Variants in COL14A1 observed in about 807,000 individuals in gnomAD.
COL14A1 encodes the protein collagen alpha-1(XIV) chain.
In COL14A1, 136 loss-of-function variants were observed where a neutral mutation model predicts 230.3. That is an observed-to-expected ratio of 0.59 (90% CI 0.51 to 0.68). The LOEUF (loss-of-function observed/expected upper bound fraction) is 0.68. Ranked by LOEUF, COL14A1 falls within the 30% of genes least tolerant of loss-of-function variation. The probability of loss-of-function intolerance (pLI) is 0.00; values close to 1 mark genes in which losing one functional copy is unlikely to be tolerated. For synonymous variants in COL14A1, 792 were observed against 784.1 expected (o/e 1.01, Z -0.17); for missense variants, 1,976 against 2,215.8 (o/e 0.89, Z 2.17).
chr8:120,307,235 G>A (rs772537205), intron 36 of COL14A1, among the ~76,000 whole-genome samples: 1 of 152,078 alleles, frequency 6.6e-6, no homozygotes, highest in African/African-American at 2.4e-5. Flanking sequence ...AAGGGAAAAG[G>A]GGGTCAGAAA....
chr8:120,356,965 C>T (rs1288809687), intron 45 of COL14A1, among the ~76,000 whole-genome samples: 2 of 149,902 alleles, frequency 1.3e-5, no homozygotes, highest in Non-Finnish European at 3.0e-5. Flanking sequence ...AAGGATTGCT[C>T]TTCTTTTTCT....
intron 35 of COL14A1, among the ~76,000 whole-genome samples, chr8:120,300,513 G>T (rs1442911517): frequency 6.6e-6 from 1 of 151,868 alleles, no homozygotes; most frequent in Non-Finnish European, 1.5e-5. Context: ...GCTGGTTTTA[G>T]CAACACCCAT....
At chr8:120,193,768 C>T (rs1816922902) in intron 5 of COL14A1, among the ~76,000 whole-genome samples, 1 of 152,206 alleles carries the variant, frequency 6.6e-6, no homozygotes, top group African/African-American at 2.4e-5. Flanking sequence ...TGCCCCTCCC[C>T]CAGCCTCGCT....
chr8:120,258,505 T>C (rs1586810829), intron 23 of COL14A1, among the ~76,000 whole-genome samples: 1 of 152,180 alleles, frequency 6.6e-6, no homozygotes, highest in East Asian at 1.9e-4. Context: ...GGGGGTGTTA[T>C]TCAATCCTCC....
chr8:120,315,671 T>A, intron 39 of COL14A1, 85 bp downstream of exon 39: 2 of 1,140,762 alleles, frequency 1.8e-6, no homozygotes, highest in Non-Finnish European at 2.6e-6. Context: ...CTGAAGTCAG[T>A]TGTGATCTTG....
chr8:120,256,912 A>T (rs972284462), intron 23 of COL14A1, among the ~76,000 whole-genome samples: 1 of 152,194 alleles, frequency 6.6e-6, no homozygotes, highest in Non-Finnish European at 1.5e-5. Context: ...GTTCCTGTGG[A>T]TATTCGTTGC....
At chr8:120,229,332 G>C (rs1182108915) in intron 18 of COL14A1, among the ~76,000 whole-genome samples, 2 of 136,306 alleles carry the variant, frequency 1.5e-5, no homozygotes. Flanking sequence ...TCATCGTTCA[G>C]TTCCCACCTA....
chr8:120,184,721 G>A (rs1816590971), intron 5 of COL14A1, among the ~76,000 whole-genome samples: 1 of 152,112 alleles, frequency 6.6e-6, no homozygotes, highest in Non-Finnish European at 1.5e-5. Flanking sequence ...TCCAAACACT[G>A]GCAGGCTCAA....
intron 2 of COL14A1, 71 bp from the exon 3 acceptor site, chr8:120,158,059 T>G (rs1291732196): frequency 2.4e-6 from 2 of 818,428 alleles, no homozygotes; most frequent in South Asian, 3.3e-5. Flanking sequence ...TATACTACTT[T>G]GACTTTCTGA....
chr8:120,265,207 C>T (rs1228033870), intron 24 of COL14A1, among the ~76,000 whole-genome samples: 2 of 152,104 alleles, frequency 1.3e-5, no homozygotes, highest in South Asian at 2.1e-4. Flanking sequence ...TCTGCCCAAT[C>T]GTATTAATCT....
intron 34 of COL14A1, among the ~76,000 whole-genome samples, chr8:120,297,253 T>TATAGCACACC (rs1820557271): frequency 6.6e-6 from 1 of 151,978 alleles, no homozygotes; most frequent in Non-Finnish European, 1.5e-5. Flanking sequence ...AAGCTTACTC[T>TATAGCACACC]TTAAGTAGAA....
At chr8:120,190,838 G>A (rs1395620080) in intron 5 of COL14A1, among the ~76,000 whole-genome samples, 1 of 152,182 alleles carries the variant, frequency 6.6e-6, no homozygotes. Context: ...GCATAGAGGT[G>A]TTGGTAGTAT....
chr8:120,302,780 G>T (rs1004944811), intron 36 of COL14A1, among the ~76,000 whole-genome samples: 9 of 152,310 alleles, frequency 5.9e-5, no homozygotes, highest in Middle Eastern at 3.4e-3. Flanking sequence ...TGTAAAGAAT[G>T]TTATTGGTAG....
intron 23 of COL14A1, among the ~76,000 whole-genome samples, chr8:120,258,073 G>C (rs1819214388): frequency 6.6e-6 from 1 of 152,122 alleles, no homozygotes; most frequent in Non-Finnish European, 1.5e-5. Context: ...TATCATTCAG[G>C]CTTGTTTATT....
chr8:120,360,249 G>A (rs995098166), intron 45 of COL14A1, among the ~76,000 whole-genome samples: 1 of 152,196 alleles, frequency 6.6e-6, no homozygotes, highest in African/African-American at 2.4e-5. Flanking sequence ...AGCAGATACA[G>A]GTTTTGTGGA....
intron 14 of COL14A1, among the ~76,000 whole-genome samples, chr8:120,221,718 A>G (rs1445661328): frequency 6.6e-6 from 1 of 152,192 alleles, no homozygotes; most frequent in Non-Finnish European, 1.5e-5. Flanking sequence ...AAACAAGGTC[A>G]AGGCCTAACT....
At chr8:120,336,346 A>G (rs1252201964) in intron 42 of COL14A1, among the ~76,000 whole-genome samples, 1 of 152,216 alleles carries the variant, frequency 6.6e-6, no homozygotes, top group Non-Finnish European at 1.5e-5. Context: ...CCACAAAGAC[A>G]GAAAGATTGC....
chr8:120,150,685 A>G (rs1316548547), intron 2 of COL14A1, among the ~76,000 whole-genome samples: 2 of 152,128 alleles, frequency 1.3e-5, no homozygotes, highest in Non-Finnish European at 2.9e-5. Context: ...TTTGTTGAAG[A>G]GTTTAAACAA....
chr8:120,355,096 C>T (rs1304967780), intron 45 of COL14A1, among the ~76,000 whole-genome samples: 1 of 152,140 alleles, frequency 6.6e-6, no homozygotes, highest in Non-Finnish European at 1.5e-5. Context: ...CTTGACTGGA[C>T]AATCCAGTGA....
Sources: gnomAD v4.1 joint callset for allele counts (sites outside exome capture counted in the v4.1 genomes callset) on GRCh38, gnomAD v4.1.1 for gene constraint, MANE v1.5 for transcripts, NCBI Gene and HGNC (gene_info 2026-07-23, HGNC 2026-07-21) for gene names.